SEPTIN7: variants seen among roughly 807,000 people sequenced by gnomAD.
SEPTIN7 encodes the protein septin-7.
SEPTIN7 carries 10 observed loss-of-function variants against 63.3 expected under a neutral mutation model. The ratio of observed to expected loss-of-function variants is 0.16; its 90% confidence interval spans 0.10 to 0.27. The LOEUF (loss-of-function observed/expected upper bound fraction) is 0.27, where lower values mean the gene tolerates loss of function less well. SEPTIN7 is among the 10% of genes least tolerant of loss of function. The pLI is 1.00. For missense variants in SEPTIN7, 310 were observed against 521.0 expected (o/e 0.59, Z 3.94); for synonymous variants, 131 against 165.3 (o/e 0.79, Z 1.59).
rs1216096802 is a variant in SEPTIN7, at chr7:35,903,129, A to G, written c.1188A>G (p.Glu396=). The change falls in exon 13 of 14, where the codon GAA becomes GAG. Residue 396 remains glutamate (E), a synonymous_variant. Transcript: ENST00000350320. ...MKKNLEAQHK[E]LEEKRRQFED... is the part of the protein sequence containing the mutation. The stretch of plus-strand genomic sequence containing the variant: ...AGAATTTGGAAGCACAGCACAAAGA[A>G]TTGGAGGAAAAACGTCGTCAGTTCG... 2.5e-6 allele frequency: 4 copies of G among 1,590,588 alleles called. 1 individual carries two copies. The highest frequency in any genetic ancestry group is 3.7e-5 in the Admixed American group (2 of 54,190).
chr7:35,834,773 C>T (rs1783999416), intron 3 of SEPTIN7, among the ~76,000 whole-genome samples: 1 of 152,104 alleles, frequency 6.6e-6, no homozygotes, highest in African/African-American at 2.4e-5. Context: ...TAGGCTGACT[C>T]TAACAGCATC....
chr7:35,863,085 AT>A (rs1785599978), intron 3 of SEPTIN7, among the ~76,000 whole-genome samples: 1 of 152,140 alleles, frequency 6.6e-6, no homozygotes, highest in Non-Finnish European at 1.5e-5. Flanking sequence ...GTGATTTAGA[AT>A]TTTATACGGA....
At position 35,879,878 on chromosome 7, in the gene SEPTIN7, A is replaced by C. The variant is rs1182225778; in HGVS notation, c.568A>C (p.Ile190Leu). The part of the protein sequence containing the change: ...MKRLHEKVNI[I>L]PLIAKADTLT... ...GCGTTTGCATGAAAAAGTGAATATC[A>C]TCCCACTTATTGCCAAAGCAGACAC... The change falls in exon 7 of 14, where the codon ATC becomes CTC. Residue 190 changes from isoleucine to leucine, a missense_variant. Coordinates refer to ENST00000350320, the MANE Select transcript of SEPTIN7 (RefSeq NM_001788.6). 5 of 1,602,504 alleles carry C rather than the reference A, an allele frequency of 3.1e-6. No individual in the cohort carries two copies. Among genetic ancestry groups the C allele is most frequent in the Non-Finnish European group, 4.3e-6 (5 of 1,173,974 alleles).
At chr7:35,913,403 T>C in the SEPTIN7 span, among the ~76,000 whole-genome samples, 115,133 of 148,834 alleles carry the variant, frequency 0.77, 44,605 homozygotes, top group East Asian at 0.99. Flanking sequence ...CTTTCTTTCT[T>C]TCTCTTTCTT....
At chr7:35,814,904 G>A (rs1385563012) in intron 1 of SEPTIN7, among the ~76,000 whole-genome samples, 1 of 150,262 alleles carries the variant, frequency 6.7e-6, no homozygotes, top group Non-Finnish European at 1.5e-5. Context: ...AAACCTGGAA[G>A]GCAGGGCTTG....
intron 1 of SEPTIN7, among the ~76,000 whole-genome samples, chr7:35,808,630 T>G (rs1788503172): frequency 6.6e-6 from 1 of 152,162 alleles, no homozygotes. Context: ...GCTACTTCCT[T>G]TGGAGGGAAC....
chr7:35,902,810 A>G (rs1349048763), intron 12 of SEPTIN7: 1 of 318,960 alleles, frequency 3.1e-6, no homozygotes, highest in Non-Finnish European at 5.5e-6. Flanking sequence ...ATTTTCCATT[A>G]TAAAGTACTC....
intron 4 of SEPTIN7, among the ~76,000 whole-genome samples, chr7:35,867,862 C>G: frequency 6.6e-6 from 1 of 151,356 alleles, no homozygotes; most frequent in Non-Finnish European, 1.5e-5. Context: ...TTTTATTGGT[C>G]CATGAAGTGT....
At chr7:35,879,975 C>T (rs940562550) in intron 7 of SEPTIN7, 35 bp downstream of exon 7, 4 of 1,220,504 alleles carry the variant, frequency 3.3e-6, no homozygotes, top group Admixed American at 2.0e-5. Context: ...TTTCTTATAC[C>T]GTTCTCATAA....
chr7:35,868,706 G>T (rs745839725), intron 4 of SEPTIN7, among the ~76,000 whole-genome samples: 2 of 152,162 alleles, frequency 1.3e-5, no homozygotes, highest in African/African-American at 2.4e-5. Flanking sequence ...GTTATATCCT[G>T]TGGCAAGTCA....
intron 11 of SEPTIN7, among the ~76,000 whole-genome samples, chr7:35,893,085 T>C (rs866053965): frequency 1.3e-5 from 2 of 152,176 alleles, no homozygotes; most frequent in African/African-American, 2.4e-5. Flanking sequence ...TAACAACTTA[T>C]GGTGCTTTAG....
chr7:35,884,043 T>C, intron 9 of SEPTIN7, 56 bp downstream of exon 9: 1 of 1,121,766 alleles, frequency 8.9e-7, no homozygotes, highest in Non-Finnish European at 1.4e-6. Context: ...GATTAAAAAT[T>C]TGTATTTATA....
rs748490757 is a variant in SEPTIN7, at chr7:35,839,609, AGTGC to A, written c.169+6711_169+6714del. On this transcript the variant is annotated intron_variant, in intron 3 of 13. Transcript: ENST00000350320. ...TGCTCTGTTGACCAGGCTGGAGTAC[AGTGC>A]GCTATCTCGGCTCACTGCAACCTCC... 3.3e-5 allele frequency among the ~76,000 whole-genome samples: 5 copies of A among 152,264 alleles called. No homozygotes were observed. In the South Asian group the frequency reaches 1.0e-3, roughly 32 times the overall value.
At chr7:35,895,748 G>T (rs891953792) in intron 11 of SEPTIN7, among the ~76,000 whole-genome samples, 9 of 151,782 alleles carry the variant, frequency 5.9e-5, no homozygotes, top group African/African-American at 2.2e-4. Context: ...TTTCCTTTAG[G>T]TATGATACAG....
chr7:35,814,561 A>G (rs781035851), intron 1 of SEPTIN7, among the ~76,000 whole-genome samples: 38 of 152,228 alleles, frequency 2.5e-4, no homozygotes, highest in Non-Finnish European at 3.7e-4. Context: ...ACTTTTACCC[A>G]CTAACTTTAG....
rs1785115962 is a variant in SEPTIN7 at position 35,854,702 on chromosome 7, C to T, written c.170-8850C>T. On this transcript the variant is annotated intron_variant, in intron 3 of 13. Transcript: ENST00000350320. The stretch of plus-strand genomic sequence containing the variant: ...ACTTTTATCCCAGTACTCCCAATCA[C>T]TATATTTGCAGGTAGCCTCTTCTCA... 2.6e-5 allele frequency among the ~76,000 whole-genome samples: 4 copies of T among 152,260 alleles called. No individual in the cohort carries two copies. In the South Asian group the frequency reaches 8.3e-4, roughly 32 times the overall value.
chr7:35,843,119 A>G (rs1784489368), intron 3 of SEPTIN7, among the ~76,000 whole-genome samples: 2 of 152,196 alleles, frequency 1.3e-5, no homozygotes, highest in Admixed American at 6.5e-5. Flanking sequence ...TAATTAATCC[A>G]TCACCTCCTT....
At chr7:35,913,874 G>A in the SEPTIN7 span, among the ~76,000 whole-genome samples, 1 of 152,224 alleles carries the variant, frequency 6.6e-6, no homozygotes, top group Non-Finnish European at 1.5e-5. Context: ...ACAGGCATGA[G>A]CCACTGCACC....
intron 1 of SEPTIN7, among the ~76,000 whole-genome samples, chr7:35,819,979 T>C (rs1789314894): frequency 6.6e-6 from 1 of 152,016 alleles, no homozygotes. Context: ...TTCTACATCT[T>C]GTCTTTTTTT....
Sources: gnomAD v4.1 joint callset for allele counts (sites outside exome capture counted in the v4.1 genomes callset) on GRCh38, gnomAD v4.1.1 for gene constraint, MANE v1.5 for transcripts, NCBI Gene and HGNC (gene_info 2026-07-23, HGNC 2026-07-21) for gene names.